Variants in AP3B1 observed in about 807,000 individuals in gnomAD.
AP3B1 encodes the protein AP-3 complex subunit beta-1.
In AP3B1, 61 loss-of-function variants were observed where a neutral mutation model predicts 132.5. The observed-to-expected ratio is 0.46, with a 90% confidence interval of 0.37 to 0.57. AP3B1 has a LOEUF of 0.57. AP3B1 is among the 20% of genes least tolerant of loss of function. AP3B1 has a pLI of 0.00. For missense variants in AP3B1, 1,120 were observed against 1,289.4 expected, an observed-to-expected ratio of 0.87 and a Z score of 2.01; for synonymous variants, 388 against 438.3, an observed-to-expected ratio of 0.89 and a Z score of 1.43.
intron 23 of AP3B1, among the ~76,000 whole-genome samples, chr5:78,036,894 T>C (rs891525653): frequency 6.6e-5 from 10 of 152,174 alleles, no homozygotes; most frequent in African/African-American, 2.2e-4. Context: ...AGACATATTA[T>C]ATTCCTTAAC....
chr5:78,003,159 T>C, intron 26 of AP3B1, 104 bp from the exon 27 acceptor site: 1 of 1,363,880 alleles, frequency 7.3e-7, no homozygotes, highest in South Asian at 1.3e-5. Flanking sequence ...TCAAATGAAA[T>C]AATTTGCTGC....
At position 78,131,248 on chromosome 5, in the gene AP3B1, G is replaced by A. The variant is rs1752675059; in HGVS notation, c.1651-1941C>T. Among the ~76,000 whole-genome samples the A allele has an allele frequency of 2.6e-5, 4 of 151,486 alleles. No homozygotes were observed. In the South Asian group the frequency reaches 8.3e-4, roughly 32 times the overall value. ...TTCTCTGGAGAATACATTTTTATATGGCCTAAGTTTTTTTAAAAAAATAAA... is the reference window on the plus strand; with the variant it reads ...TTCTCTGGAGAATACATTTTTATATAGCCTAAGTTTTTTTAAAAAAATAAA... On this transcript the variant is annotated intron_variant, in intron 15 of 26. Transcript: ENST00000255194.
intron 22 of AP3B1, among the ~76,000 whole-genome samples, chr5:78,052,595 T>C (rs567723596): frequency 5.9e-5 from 9 of 152,298 alleles, no homozygotes; most frequent in South Asian, 2.1e-4. Context: ...GGTTGAGTGG[T>C]TGTGGCCTGC....
chr5:78,028,316 C>T (rs930349356), intron 24 of AP3B1, among the ~76,000 whole-genome samples: 1 of 151,096 alleles, frequency 6.6e-6, no homozygotes, highest in East Asian at 2.0e-4. Flanking sequence ...TACAATTAGT[C>T]GGGCATGGTG....
intron 2 of AP3B1, among the ~76,000 whole-genome samples, chr5:78,248,552 A>C (rs1349375654): frequency 4.0e-5 from 6 of 151,148 alleles, no homozygotes; most frequent in Non-Finnish European, 8.8e-5. Flanking sequence ...AACCATATAG[A>C]CTCTTTTATT....
chr5:78,091,278 A>C (rs984646068), intron 21 of AP3B1, among the ~76,000 whole-genome samples: 4 of 67,212 alleles, frequency 6.0e-5, no homozygotes, highest in Non-Finnish European at 1.4e-4. Flanking sequence ...TGTATTTGAC[A>C]AAAAAAAAAA....
chr5:78,064,094 T>A (rs1749175978), intron 22 of AP3B1, among the ~76,000 whole-genome samples: 1 of 150,474 alleles, frequency 6.6e-6, no homozygotes, highest in South Asian at 2.1e-4. Flanking sequence ...AAAAGGAGCA[T>A]GAAGTAGGGA....
At chr5:78,199,580 G>GT (rs1371409257) in intron 7 of AP3B1, among the ~76,000 whole-genome samples, 1 of 152,002 alleles carries the variant, frequency 6.6e-6, no homozygotes, top group Non-Finnish European at 1.5e-5. Context: ...AAAATAAAAA[G>GT]TTTATATTAG....
chr5:78,200,815 T>C (rs1177828413), intron 7 of AP3B1, among the ~76,000 whole-genome samples: 1 of 152,130 alleles, frequency 6.6e-6, no homozygotes, highest in African/African-American at 2.4e-5. Context: ...CATATGTCAC[T>C]GTAAGGTTTA....
At chr5:78,290,655 A>G (rs1749473114) in intron 1 of AP3B1, among the ~76,000 whole-genome samples, 1 of 152,170 alleles carries the variant, frequency 6.6e-6, no homozygotes, top group South Asian at 2.1e-4. Flanking sequence ...AATATTTTAA[A>G]AAGAAGGAAG....
intron 24 of AP3B1, among the ~76,000 whole-genome samples, chr5:78,024,561 A>AT (rs70997962): frequency 0.04 from 4,511 of 113,454 alleles, 263 homozygotes; most frequent in African/African-American, 0.1. Context: ...AGCTAATTTA[A>AT]TTTTTTTTTT....
intron 15 of AP3B1, among the ~76,000 whole-genome samples, chr5:78,138,042 AATAAAT>A (rs1752988544): frequency 6.6e-6 from 1 of 152,244 alleles, no homozygotes; most frequent in Admixed American, 6.5e-5. Flanking sequence ...AGATGGCTAA[AATAAAT>A]AAGTAGAGAA....
intron 20 of AP3B1, among the ~76,000 whole-genome samples, chr5:78,102,644 A>C (rs773980890): frequency 6.6e-6 from 1 of 152,160 alleles, no homozygotes; most frequent in Non-Finnish European, 1.5e-5. Flanking sequence ...CTGTGAAGAA[A>C]GAACATATAA....
At chr5:78,053,697 A>ACAG (rs1554060861) in intron 22 of AP3B1, among the ~76,000 whole-genome samples, 2 of 142,746 alleles carry the variant, frequency 1.4e-5, no homozygotes, top group Non-Finnish European at 3.0e-5. Flanking sequence ...AAAAAAAAAA[A>ACAG]GAAAGAAAAG....
At chr5:78,147,124 T>C (rs550098409) in intron 14 of AP3B1, among the ~76,000 whole-genome samples, 15 of 152,238 alleles carry the variant, frequency 9.9e-5, no homozygotes, top group African/African-American at 3.6e-4. Context: ...TTGTAACTAT[T>C]TTATCAATTT....
At chr5:78,148,051 A>G (rs551637721) in intron 14 of AP3B1, among the ~76,000 whole-genome samples, 3 of 151,850 alleles carry the variant, frequency 2.0e-5, no homozygotes, top group Admixed American at 6.6e-5. Flanking sequence ...AGGGAAAGAG[A>G]GAGAATGAGC....
At chr5:78,094,756 C>A (rs754597780) in intron 21 of AP3B1, among the ~76,000 whole-genome samples, 3 of 152,108 alleles carry the variant, frequency 2.0e-5, no homozygotes, top group African/African-American at 7.2e-5. Context: ...TCTTGGCTCA[C>A]TGGAACCTCC....
chr5:78,223,090 A>G (rs4133340), intron 6 of AP3B1, among the ~76,000 whole-genome samples: 129,049 of 146,858 alleles, frequency 0.88, 57,367 homozygotes, highest in African/African-American at 0.93. Context: ...GAACTCCTGG[A>G]CTCAAGCAAT....
At chr5:78,271,906 C>T (rs1748560267) in intron 1 of AP3B1, among the ~76,000 whole-genome samples, 2 of 152,202 alleles carry the variant, frequency 1.3e-5, no homozygotes, top group African/African-American at 2.4e-5. Context: ...GCAAAGCAGC[C>T]TTTTGTGGAA....
Sources: allele counts gnomAD v4.1 joint callset (sites outside exome capture counted in the v4.1 genomes callset), GRCh38; gene constraint gnomAD v4.1.1; transcripts MANE v1.5; gene names NCBI Gene and HGNC (gene_info 2026-07-23, HGNC 2026-07-21).